NELL1: variants seen among roughly 807,000 people sequenced by gnomAD.
The protein encoded by NELL1 is protein kinase C-binding protein NELL1.
Under a neutral mutation model 107.4 loss-of-function variants are expected in NELL1, and 76 were observed. The observed-to-expected ratio is 0.71, with a 90% CI of 0.59 to 0.86. NELL1 has a LOEUF of 0.86. Ranked by LOEUF, NELL1 falls within the 40% of genes least tolerant of loss-of-function variation. NELL1 has a pLI of 0.00. For synonymous variants in NELL1, 353 were observed against 341.2 expected, an observed-to-expected ratio of 1.03 and a Z score of -0.38; for missense variants, 1,024 against 1,005.5, an observed-to-expected ratio of 1.02 and a Z score of -0.25.
chr11:21,394,103 A>G (rs1371266007), intron 15 of NELL1, among the ~76,000 whole-genome samples: 2 of 151,688 alleles, frequency 1.3e-5, no homozygotes, highest in Non-Finnish European at 3.0e-5. Context: ...TGCCTGTGCC[A>G]GGATGGCTCC....
At position 20,726,506 on chromosome 11, in the gene NELL1, C is replaced by CGTA. The variant is rs112881208; in HGVS notation, c.184+48446_184+48447insGTA. 8.4e-3 allele frequency among the ~76,000 whole-genome samples: 1,270 copies of CGTA among 152,008 alleles called. 14 individuals carry two copies. Among genetic ancestry groups the CGTA allele is most frequent in the African/African-American group, 0.029 (1,184 of 41,450 alleles). On this transcript the variant is annotated intron_variant, in intron 2 of 19. Transcript: ENST00000357134. ...GTTTTGCATAGTATTGAACTTTACACAAGTTGAACCCCACAGTAGAAAAAT... is the reference window on the plus strand; with the variant it reads ...GTTTTGCATAGTATTGAACTTTACACGTAAAGTTGAACCCCACAGTAGAAAAAT...
chr11:21,107,223 A>G (rs1223029520), intron 12 of NELL1, among the ~76,000 whole-genome samples: 1 of 152,164 alleles, frequency 6.6e-6, no homozygotes, highest in Non-Finnish European at 1.5e-5. Flanking sequence ...GGACAAATAT[A>G]TAATAACCTG....
chr11:21,276,111 G>T (rs1198337764), intron 14 of NELL1, among the ~76,000 whole-genome samples: 5 of 152,280 alleles, frequency 3.3e-5, no homozygotes, highest in Middle Eastern at 3.4e-3. Flanking sequence ...AAGTCAAATT[G>T]TCCCTGTTTG....
intron 5 of NELL1, among the ~76,000 whole-genome samples, chr11:20,899,650 A>C (rs528444367): frequency 6.6e-6 from 1 of 152,256 alleles, no homozygotes; most frequent in East Asian, 1.9e-4. Flanking sequence ...TAAAATAATG[A>C]GTAGGGTATA....
At chr11:20,941,534 T>C (rs16907115) in intron 10 of NELL1, among the ~76,000 whole-genome samples, 3,160 of 132,340 alleles carry the variant, frequency 0.024, 123 homozygotes, top group African/African-American at 0.081. Context: ...CTACATGATA[T>C]TTTTTTTTCT....
chr11:21,100,710 T>C (rs968972319), intron 12 of NELL1, among the ~76,000 whole-genome samples: 3 of 152,148 alleles, frequency 2.0e-5, no homozygotes, highest in Non-Finnish European at 4.4e-5. Context: ...CAACCACATA[T>C]AGAGGGCCCA....
intron 13 of NELL1, among the ~76,000 whole-genome samples, chr11:21,226,091 G>A (rs1857885635): frequency 6.6e-6 from 1 of 152,054 alleles, no homozygotes; most frequent in African/African-American, 2.4e-5. Context: ...CAACTGGAAA[G>A]GAATGTGATA....
chr11:21,457,144 G>A (rs977438781), intron 15 of NELL1, among the ~76,000 whole-genome samples: 1 of 152,148 alleles, frequency 6.6e-6, no homozygotes, highest in Non-Finnish European at 1.5e-5. Flanking sequence ...AGAAAGAATG[G>A]CCAGTTCTAC....
rs151192619 is a variant in NELL1 at position 21,457,284 on chromosome 11, A to C, written c.1646-77090A>C. Among the ~76,000 whole-genome samples, 289 of 152,318 alleles carry C rather than the reference A, an allele frequency of 1.9e-3. 1 individual carries two copies. Among genetic ancestry groups the C allele is most frequent in the African/African-American group, 6.9e-3 (286 of 41,568 alleles). On this transcript the variant is annotated intron_variant, in intron 15 of 19. Coordinates refer to ENST00000357134, the MANE Select transcript of NELL1 (RefSeq NM_006157.5). The stretch of plus-strand genomic sequence containing the variant: ...AATATTATGGGAAAACAAAATGAAA[A>C]GTCGTAGAGACATGAGTCAGGTTTC...
At chr11:21,483,741 G>A (rs1854549697) in intron 15 of NELL1, among the ~76,000 whole-genome samples, 1 of 150,730 alleles carries the variant, frequency 6.6e-6, no homozygotes, top group Non-Finnish European at 1.5e-5. Flanking sequence ...ACAAATAGAA[G>A]TAAACAAGTA....
At chr11:21,364,387 G>GT (rs1181422370) in intron 14 of NELL1, among the ~76,000 whole-genome samples, 2 of 131,936 alleles carry the variant, frequency 1.5e-5, no homozygotes, top group African/African-American at 6.1e-5. Flanking sequence ...TTCCAGCCTG[G>GT]GAGACACAGC....
chr11:21,367,927 C>T lies in NELL1; in HGVS notation c.1550-2926C>T, dbSNP rs114805068. ...AACTAAATAATGCTGTGCAAATTAC[C>T]AGTCCTCTGCATATCAGAGTCCTTT... On this transcript the variant is annotated intron_variant, in intron 14 of 19. Transcript: ENST00000357134. 8.5e-3 allele frequency among the ~76,000 whole-genome samples: 1,293 copies of T among 152,172 alleles called. 13 individuals carry two copies. The highest frequency in any genetic ancestry group is 0.029 in the African/African-American group (1,210 of 41,514).
chr11:21,071,704 T>G (rs757252983), intron 12 of NELL1, among the ~76,000 whole-genome samples: 3 of 152,162 alleles, frequency 2.0e-5, no homozygotes, highest in Non-Finnish European at 4.4e-5. Context: ...GTTGAGTGGC[T>G]CCTGGAAGCA....
intron 15 of NELL1, among the ~76,000 whole-genome samples, chr11:21,492,447 G>A (rs1192471079): frequency 9.2e-5 from 14 of 151,404 alleles, no homozygotes; most frequent in South Asian, 8.3e-4. Context: ...ACATGCACAC[G>A]TATGTTTATT....
chr11:21,158,988 A>G (rs1010945028), intron 13 of NELL1, among the ~76,000 whole-genome samples: 1 of 152,146 alleles, frequency 6.6e-6, no homozygotes, highest in Admixed American at 6.5e-5. Flanking sequence ...GCTATTTAAT[A>G]TAGCATGCAT....
intron 3 of NELL1, among the ~76,000 whole-genome samples, chr11:20,814,607 T>C (rs1055568160): frequency 6.6e-6 from 1 of 152,234 alleles, no homozygotes; most frequent in Admixed American, 6.5e-5. Context: ...GCTACGTCCA[T>C]GTTGCTATAA....
chr11:21,214,280 C>A (rs1263709118), intron 13 of NELL1, among the ~76,000 whole-genome samples: 1 of 152,094 alleles, frequency 6.6e-6, no homozygotes, highest in East Asian at 1.9e-4. Context: ...AATTTTGGAG[C>A]AATTCAGATT....
At chr11:21,185,278 A>G (rs1856909305) in intron 13 of NELL1, among the ~76,000 whole-genome samples, 1 of 144,846 alleles carries the variant, frequency 6.9e-6, no homozygotes, top group South Asian at 2.2e-4. Context: ...ACATACTTGT[A>G]TTTAATTCCA....
intron 14 of NELL1, among the ~76,000 whole-genome samples, chr11:21,268,961 A>C (rs1848687162): frequency 6.6e-6 from 1 of 152,174 alleles, no homozygotes; most frequent in Admixed American, 6.5e-5. Context: ...AATTCTAAGA[A>C]AGGATTGAAA....
Sources: allele counts gnomAD v4.1 joint callset (sites outside exome capture counted in the v4.1 genomes callset), GRCh38; gene constraint gnomAD v4.1.1; transcripts MANE v1.5; gene names NCBI Gene and HGNC (gene_info 2026-07-23, HGNC 2026-07-21).